ABLIM1: variants seen among roughly 807,000 people sequenced by gnomAD.
The protein encoded by ABLIM1 is actin binding LIM protein 1.
A neutral mutation model predicts 107.0 loss-of-function variants in ABLIM1; 40 were observed. That is an observed-to-expected ratio of 0.37 (90% CI 0.29 to 0.49). The LOEUF (loss-of-function observed/expected upper bound fraction) is 0.49. Among genes scored for constraint, ABLIM1 ranks in the 20% least tolerant of loss-of-function variants. ABLIM1 has a pLI of 0.97. For missense variants in ABLIM1, 857 were observed against 1,008.5 expected (o/e 0.85, Z 2.04); for synonymous variants, 357 against 357.3 (o/e 1.00, Z 0.01).
chr10:114,625,280 C>T (rs1057120111), intron 1 of ABLIM1, among the ~76,000 whole-genome samples: 1 of 152,138 alleles, frequency 6.6e-6, no homozygotes, highest in East Asian at 1.9e-4. Flanking sequence ...TATTACACCA[C>T]AGTGAAAAAC....
chr10:114,535,618 C>T (rs1235818513), intron 6 of ABLIM1, among the ~76,000 whole-genome samples: 1 of 152,110 alleles, frequency 6.6e-6, no homozygotes, highest in Non-Finnish European at 1.5e-5. Flanking sequence ...CCAAGCCTAG[C>T]ATAGAATCTT....
At chr10:114,698,635 T>A (rs1004242063) in intron 1 of ABLIM1, among the ~76,000 whole-genome samples, 1 of 152,122 alleles carries the variant, frequency 6.6e-6, no homozygotes, top group African/African-American at 2.4e-5. Context: ...ATTTTAGAAC[T>A]CTGAACATAC....
In ABLIM1 at chr10:114,619,931, T is replaced by C. The variant is rs956905643; in HGVS notation, c.245-17970A>G. Among the ~76,000 whole-genome samples the C allele has an allele frequency of 5.3e-5, 8 of 152,170 alleles. No homozygotes were observed. The highest frequency in any genetic ancestry group is 5.9e-5 in the Non-Finnish European group (4 of 68,040). The stretch of plus-strand genomic sequence containing the variant: ...CTTCTGTTAAGGATAAAGTGGCAAA[T>C]GAAAGATTCAGACATTCTTTTGTCA... On this transcript the variant is annotated intron_variant, in intron 1 of 22. Transcript: ENST00000533213. The surrounding 1 kb of genome is among the most constrained non-coding windows in gnomAD (Gnocchi z 4.1).
intron 4 of ABLIM1, among the ~76,000 whole-genome samples, chr10:114,570,477 A>G (rs574180974): frequency 2.0e-5 from 3 of 152,000 alleles, no homozygotes; most frequent in Non-Finnish European, 2.9e-5. Context: ...TCTGCCCCAT[A>G]TAAGTGCAGC....
intron 17 of ABLIM1, 53 bp from the exon 18 acceptor site, chr10:114,441,839 C>A (rs1478878971): frequency 2.6e-6 from 4 of 1,514,048 alleles, no homozygotes; most frequent in Admixed American, 3.4e-5. Flanking sequence ...AAGGTCCAAT[C>A]CTTTAATGAA....
At position 114,718,020 on chromosome 10, in the gene ABLIM1, AAG is replaced by A. The variant is rs2081724141; in HGVS notation, c.-213+50039_-213+50040del. On this transcript the variant is annotated intron_variant, in intron 1 of 15. Transcript: ENST00000651092. ...GAAGGAAGGAAGGAAGGAAGGAAGG[AAG>A]GAAGGAAGGAGAAAGAGAAAGAGAA... Among the ~76,000 whole-genome samples, 6 of 137,304 alleles carry A rather than the reference AAG, an allele frequency of 4.4e-5. No individual in the cohort carries two copies. In the Admixed American group the frequency reaches 4.4e-4, roughly 10 times the overall value. 90.1% of individuals were successfully genotyped at this position (137,304 alleles called of 152,430 possible).
At chr10:114,680,111 C>T (rs576384163) in intron 1 of ABLIM1, among the ~76,000 whole-genome samples, 19 of 152,020 alleles carry the variant, frequency 1.2e-4, no homozygotes, top group East Asian at 5.8e-4. Flanking sequence ...CACTGTTCAA[C>T]GTTATAAATA....
Position 114,664,866 on chromosome 10 carries a change from T to C in ABLIM1, c.64+19424A>G, listed in dbSNP as rs186250868. ...GTTTCTTTCATAATAAAAGAAAATG[T>C]TCCACACTTTGGGAGGCCGAGGCGG... On this transcript the variant is annotated intron_variant, in intron 1 of 23. Coordinates refer to the ABLIM1 transcript ENST00000369256. 3.3e-3 allele frequency among the ~76,000 whole-genome samples: 502 copies of C among 151,082 alleles called. 2 individuals carry two copies. Among genetic ancestry groups the C allele is most frequent in the African/African-American group, 0.012 (477 of 41,264 alleles).
intron 19 of ABLIM1, among the ~76,000 whole-genome samples, chr10:114,440,619 GTTGTTGTTGTTT>G (rs1474253240): frequency 2.0e-5 from 3 of 152,040 alleles, no homozygotes; most frequent in Middle Eastern, 6.8e-3. Flanking sequence ...ATTATAATTT[GTTGTTGTTGTTT>G]TTGTTGTTGT....
At chr10:114,734,958 A>G (rs2082149146) in intron 1 of ABLIM1, among the ~76,000 whole-genome samples, 1 of 152,218 alleles carries the variant, frequency 6.6e-6, no homozygotes, top group Non-Finnish European at 1.5e-5. Flanking sequence ...AGAACATGCT[A>G]CCTACACTGG....
At chr10:114,614,341 AC>A (rs1303520050) in intron 1 of ABLIM1, among the ~76,000 whole-genome samples, 1 of 152,086 alleles carries the variant, frequency 6.6e-6, no homozygotes, top group Non-Finnish European at 1.5e-5. Context: ...AATCCCAGCT[AC>A]TGGGGAGGCT....
Position 114,465,717 on chromosome 10 carries a change from G to A in ABLIM1, c.1422C>T (p.Pro474=). ...HSYTPTTSRS[P]QHFHRPGNEP... ...CCTTACCAGGTCTGTGGAAATGCTG[G>A]GGAGAGCGGGACGTGGTTGGAGTGT... Residue 474 remains proline (P), a synonymous_variant, in exon 12 of 23, where the codon CCC becomes CCT. Transcript: ENST00000533213. The A allele has an allele frequency of 1.2e-6, 2 of 1,614,068 alleles. No homozygotes were observed. Among genetic ancestry groups the A allele is most frequent in the African/African-American group, 1.3e-5 (1 of 75,018 alleles).
chr10:114,599,611 A>G (rs982955257), intron 2 of ABLIM1, among the ~76,000 whole-genome samples: 16 of 151,566 alleles, frequency 1.1e-4, no homozygotes, highest in Non-Finnish European at 2.4e-4. Context: ...ATCTCTGCTG[A>G]AAAAAAACCA....
the ABLIM1 span, among the ~76,000 whole-genome samples, chr10:114,796,356 C>T: frequency 4.0e-4 from 61 of 152,252 alleles, no homozygotes; most frequent in South Asian, 0.012. Context: ...GGATCTACTT[C>T]TAAGCTCACT....
intron 3 of ABLIM1, among the ~76,000 whole-genome samples, chr10:114,571,965 T>TG (rs1221652308): frequency 6.6e-6 from 1 of 152,164 alleles, no homozygotes; most frequent in African/African-American, 2.4e-5. Context: ...CTGGGAGAAA[T>TG]GGGACAGGCT....
chr10:114,690,432 T>G, intron 1 of ABLIM1: 1 of 1,604,290 alleles, frequency 6.2e-7, no homozygotes, highest in South Asian at 1.1e-5. Flanking sequence ...AGTGCCATTA[T>G]GGCGTGTGAA....
At chr10:114,559,901 G>T (rs192935964) in intron 4 of ABLIM1, among the ~76,000 whole-genome samples, 20 of 152,320 alleles carry the variant, frequency 1.3e-4, no homozygotes, top group African/African-American at 4.6e-4. Flanking sequence ...CAGAAGAAAA[G>T]CAGTAGAGAA....
chr10:114,686,508 G>A (rs1339999979), upstream of ABLIM1, among the ~76,000 whole-genome samples: 2 of 145,686 alleles, frequency 1.4e-5, no homozygotes, highest in African/African-American at 2.5e-5. Context: ...GTGAGACCCC[G>A]TCTCAAAAAA....
In ABLIM1 at chr10:114,707,083, T is replaced by G. The variant is rs1221149788; in HGVS notation, c.-213+60978A>C. On this transcript the variant is annotated intron_variant, in intron 1 of 15. Transcript: ENST00000651092. This position sits in a 1 kb window ranked among gnomAD's most constrained non-coding sequence, Gnocchi z 4.1. ...GTAAAAAGAAACAGGTAAAATTAAT[T>G]TTAAGATTTTTAAGATTTTTATTTA... Among the ~76,000 whole-genome samples, 1 of 152,156 alleles carries G rather than the reference T, an allele frequency of 6.6e-6. No homozygotes were observed. Among genetic ancestry groups the G allele is most frequent in the Non-Finnish European group, 1.5e-5 (1 of 68,044 alleles).
Sources: gnomAD v4.1 joint callset for allele counts (sites outside exome capture counted in the v4.1 genomes callset) on GRCh38, gnomAD v4.1.1 for gene constraint, Gnocchi (gnomAD v3.1) non-coding constraint, MANE v1.5 for transcripts, NCBI Gene and HGNC (gene_info 2026-07-23, HGNC 2026-07-21) for gene names.